SCAPER: variants seen among roughly 807,000 people sequenced by gnomAD.
SCAPER encodes the protein S phase cyclin A-associated protein in the endoplasmic reticulum.
In SCAPER, 98 loss-of-function variants were observed where a neutral mutation model predicts 182.2. The observed-to-expected ratio is 0.54, with a 90% CI of 0.46 to 0.64. The LOEUF (loss-of-function observed/expected upper bound fraction) is 0.64. Ranked by LOEUF, SCAPER falls within the 30% of genes least tolerant of loss-of-function variation. The probability of loss-of-function intolerance (pLI) is 0.00; values close to 1 mark genes in which losing one functional copy is unlikely to be tolerated. For synonymous variants in SCAPER, 605 were observed against 564.6 expected, an observed-to-expected ratio of 1.07 and a Z score of -1.01; for missense variants, 1,432 against 1,690.0, an observed-to-expected ratio of 0.85 and a Z score of 2.68.
At chr15:76,439,647 T>C (rs538301149) in intron 25 of SCAPER, among the ~76,000 whole-genome samples, 10 of 152,338 alleles carry the variant, frequency 6.6e-5, no homozygotes, top group African/African-American at 2.2e-4. Flanking sequence ...CTTTGGGCAA[T>C]GTGTGCAAGC....
intron 23 of SCAPER, among the ~76,000 whole-genome samples, chr15:76,553,198 A>T (rs528913407): frequency 6.6e-6 from 1 of 152,294 alleles, no homozygotes; most frequent in Non-Finnish European, 1.5e-5. Flanking sequence ...AACCCAGCTG[A>T]GGCACAGGCA....
intron 28 of SCAPER, chr15:76,381,095 T>G (rs2042915701): frequency 5.7e-6 from 1 of 174,904 alleles, no homozygotes; most frequent in East Asian, 1.5e-4. Context: ...CACAAACATG[T>G]AACCTTGGGC....
intron 28 of SCAPER, chr15:76,379,638 T>C (rs2141922644): frequency 6.6e-6 from 1 of 152,254 alleles, no homozygotes; most frequent in Non-Finnish European, 1.5e-5. Flanking sequence ...TTTATCTTAG[T>C]TGGGCACAAA....
intron 5 of SCAPER, among the ~76,000 whole-genome samples, chr15:76,816,360 T>C (rs1019942190): frequency 6.6e-6 from 1 of 151,946 alleles, no homozygotes; most frequent in African/African-American, 2.4e-5. Flanking sequence ...CTATCTAACA[T>C]TTTTTTTCCT....
At chr15:76,536,210 T>C (rs1239918910) in intron 23 of SCAPER, among the ~76,000 whole-genome samples, 2 of 152,124 alleles carry the variant, frequency 1.3e-5, no homozygotes, top group East Asian at 3.9e-4. Flanking sequence ...TGTTTAAAAA[T>C]ATTTTTGGCC....
At chr15:76,786,344 A>AAT (rs1295767987) in intron 8 of SCAPER, among the ~76,000 whole-genome samples, 1 of 151,612 alleles carries the variant, frequency 6.6e-6, no homozygotes, top group Non-Finnish European at 1.5e-5. Flanking sequence ...AAAAAAAAAA[A>AAT]ATCAATCAAT....
chr15:76,476,408 CTTCCTTTCCT>C (rs200179166), intron 24 of SCAPER, among the ~76,000 whole-genome samples: 1 of 151,356 alleles, frequency 6.6e-6, no homozygotes, highest in Non-Finnish European at 1.5e-5. Context: ...CTTCCTTTCC[CTTCCTTTCCT>C]TTCTTTTCTT....
Position 76,434,277 on chromosome 15 carries a change from C to T in SCAPER, c.3112G>A (p.Gly1038Arg), listed in dbSNP as rs1359230130. 1 of 1,612,338 alleles carries T rather than the reference C, an allele frequency of 6.2e-7. No individual in the cohort carries two copies. The highest frequency in any genetic ancestry group is 1.7e-5 in the Admixed American group (1 of 59,806). The change falls in exon 26 of 32, where the codon GGG becomes AGG. Residue 1038 changes from glycine to arginine, a missense_variant. By Grantham distance (125) the Gly-to-Arg change is moderately radical. Transcript: ENST00000563290. Reference protein sequence around the residue: ...YVPDENNTILGRNTNKQVFEG... With the variant: ...YVPDENNTILRRNTNKQVFEG... ...AAAACTTGTTTATTTGTATTTCTCC[C>T]CAAAATAGTATTATTTTCATCTGGA...
chr15:76,572,915 T>A (rs62030376), intron 23 of SCAPER, among the ~76,000 whole-genome samples: 81,401 of 130,832 alleles, frequency 0.62, 25,864 homozygotes, highest in Middle Eastern at 0.76. Flanking sequence ...TCTCTCTCTC[T>A]CTCTCACACA....
intron 2 of SCAPER, among the ~76,000 whole-genome samples, chr15:76,874,123 G>C (rs1343391719): frequency 6.6e-6 from 1 of 152,082 alleles, no homozygotes; most frequent in Non-Finnish European, 1.5e-5. Context: ...TGAACTCCTA[G>C]CCTCAAGTGA....
intron 5 of SCAPER, among the ~76,000 whole-genome samples, chr15:76,830,217 A>T (rs1269694925): frequency 6.6e-6 from 1 of 152,160 alleles, no homozygotes; most frequent in Non-Finnish European, 1.5e-5. Flanking sequence ...ATGGGGCAGA[A>T]GGGAGGGGAC....
At chr15:76,696,767 A>G (rs2058675173) in intron 20 of SCAPER, among the ~76,000 whole-genome samples, 1 of 152,196 alleles carries the variant, frequency 6.6e-6, no homozygotes, top group Non-Finnish European at 1.5e-5. Context: ...GTTAAATTTT[A>G]GAATGTATTT....
intron 21 of SCAPER, among the ~76,000 whole-genome samples, chr15:76,627,290 A>C (rs1008657080): frequency 1.3e-5 from 2 of 152,254 alleles, no homozygotes; most frequent in African/African-American, 4.8e-5. Flanking sequence ...ATCTTTATAA[A>C]AAATAGTATA....
intron 23 of SCAPER, among the ~76,000 whole-genome samples, chr15:76,522,815 A>T (rs959033932): frequency 6.6e-6 from 1 of 152,068 alleles, no homozygotes; most frequent in African/African-American, 2.4e-5. Context: ...GTAAGTCATA[A>T]AATTATGTAT....
chr15:76,621,804 C>A lies in SCAPER; in HGVS notation c.2671G>T (p.Glu891Ter). Residue 891 changes from glutamate to a stop codon, truncating the protein, a stop_gained, in exon 22 of 32, where the codon GAA becomes TAA. Coordinates refer to ENST00000563290, the MANE Select transcript of SCAPER (RefSeq NM_020843.4). LOFTEE classifies it high-confidence loss of function. The part of the protein sequence containing the change: ...FRAKEYESLM[E>*]TKNSGSDSPY... ...GAATCAGAGCCAGAATTTTTGGTTTCCATTAAACTCTCATATTCCTTAGCC... is the reference window on the plus strand; with the variant it reads ...GAATCAGAGCCAGAATTTTTGGTTTACATTAAACTCTCATATTCCTTAGCC... 6.2e-7 allele frequency: 1 copy of A among 1,607,264 alleles called. No individual in the cohort carries two copies. Among genetic ancestry groups the A allele is most frequent in the South Asian group, 1.1e-5 (1 of 89,448 alleles).
At chr15:76,633,838 A>G (rs2053367971) in intron 21 of SCAPER, among the ~76,000 whole-genome samples, 1 of 152,224 alleles carries the variant, frequency 6.6e-6, no homozygotes, top group African/African-American at 2.4e-5. Flanking sequence ...TCCGCCCGGA[A>G]CTTGGTCTTT....
At chr15:76,596,693 GA>G (rs1597586214) in intron 22 of SCAPER, among the ~76,000 whole-genome samples, 1 of 120,796 alleles carries the variant, frequency 8.3e-6, no homozygotes, top group East Asian at 2.2e-4. Flanking sequence ...CACATAAACA[GA>G]ACCAACGAGA....
At chr15:76,436,687 G>C (rs2047219861) in intron 25 of SCAPER, among the ~76,000 whole-genome samples, 1 of 151,940 alleles carries the variant, frequency 6.6e-6, no homozygotes, top group South Asian at 2.1e-4. Flanking sequence ...TCAAGTTGGA[G>C]GCTTTCCTCA....
chr15:76,719,604 G>A (rs1389556933), intron 17 of SCAPER, among the ~76,000 whole-genome samples: 3 of 152,012 alleles, frequency 2.0e-5, no homozygotes, highest in South Asian at 2.1e-4. Flanking sequence ...ATGTTAGTTC[G>A]CTTCACTATA....
Sources: allele counts gnomAD v4.1 joint callset (sites outside exome capture counted in the v4.1 genomes callset), GRCh38; gene constraint gnomAD v4.1.1; transcripts MANE v1.5; gene names NCBI Gene and HGNC (gene_info 2026-07-23, HGNC 2026-07-21).